ARHGAP22: variants seen among roughly 807,000 people sequenced by gnomAD.
ARHGAP22 encodes the protein Rho GTPase activating protein 22.
A neutral mutation model predicts 59.1 loss-of-function variants in ARHGAP22; 48 were observed. The observed-to-expected ratio is 0.81, with a 90% CI of 0.64 to 1.03. ARHGAP22 has a LOEUF of 1.03. Among genes scored for constraint, ARHGAP22 ranks in the 50% least tolerant of loss-of-function variants. The pLI is 0.00. For synonymous variants in ARHGAP22, 445 were observed against 416.4 expected, an observed-to-expected ratio of 1.07 and a Z score of -0.84; for missense variants, 1,015 against 958.7, an observed-to-expected ratio of 1.06 and a Z score of -0.78.
chr10:48,515,202 A>T (rs566691201), intron 3 of ARHGAP22, among the ~76,000 whole-genome samples: 194 of 152,346 alleles, frequency 1.3e-3, no homozygotes, highest in African/African-American at 4.5e-3. Context: ...GACACATTAC[A>T]TTAAAAAACA....
upstream of ARHGAP22, chr10:48,655,368 T>C (rs921233046): frequency 2.7e-5 from 4 of 150,828 alleles, no homozygotes; most frequent in Non-Finnish European, 5.9e-5. Flanking sequence ...GGGGACAAGG[T>C]CCTACAGCGT....
At chr10:48,563,575 A>G (rs1016179846) in intron 2 of ARHGAP22, among the ~76,000 whole-genome samples, 6 of 152,222 alleles carry the variant, frequency 3.9e-5, no homozygotes, top group Non-Finnish European at 7.3e-5. Flanking sequence ...ATCGTAACAT[A>G]ACATATTCAC....
intron 3 of ARHGAP22, among the ~76,000 whole-genome samples, chr10:48,521,262 C>T (rs879527996): frequency 1.4e-4 from 21 of 152,142 alleles, no homozygotes; most frequent in South Asian, 2.1e-4. Context: ...GAAAAAGGCA[C>T]GCAACAATCC....
intron 4 of ARHGAP22, among the ~76,000 whole-genome samples, chr10:48,460,266 G>A (rs1358827572): frequency 6.6e-6 from 1 of 152,224 alleles, no homozygotes; most frequent in South Asian, 2.1e-4. Flanking sequence ...CCCATCAACA[G>A]CAGATCTCCT....
intron 4 of ARHGAP22, among the ~76,000 whole-genome samples, chr10:48,469,347 A>G (rs891750459): frequency 6.6e-6 from 1 of 152,240 alleles, no homozygotes; most frequent in Non-Finnish European, 1.5e-5. Flanking sequence ...GTGCAGAGAC[A>G]GTCATGAGAC....
intron 2 of ARHGAP22, among the ~76,000 whole-genome samples, chr10:48,562,092 G>T (rs1457038624): frequency 1.3e-5 from 2 of 151,950 alleles, no homozygotes; most frequent in Non-Finnish European, 2.9e-5. Context: ...GGGGTGTGTT[G>T]GCACGTGCCT....
chr10:48,522,758 T>C (rs1382405562), intron 3 of ARHGAP22, among the ~76,000 whole-genome samples: 1 of 152,172 alleles, frequency 6.6e-6, no homozygotes, highest in Admixed American at 6.5e-5. Context: ...TCTTTTTCAT[T>C]CTTTCTACAA....
chr10:48,474,315 C>A (rs1351420224), intron 4 of ARHGAP22, among the ~76,000 whole-genome samples: 1 of 152,158 alleles, frequency 6.6e-6, no homozygotes, highest in Non-Finnish European at 1.5e-5. Context: ...TTCAACCTTG[C>A]TGAATTTTTA....
intron 4 of ARHGAP22, among the ~76,000 whole-genome samples, chr10:48,478,863 G>T (rs1234748207): frequency 6.6e-6 from 1 of 152,190 alleles, no homozygotes; most frequent in Non-Finnish European, 1.5e-5. Context: ...CTCCTGGCCT[G>T]CTGTGTCTAC....
chr10:48,557,355 T>TATTGAC (rs970724876), intron 2 of ARHGAP22, among the ~76,000 whole-genome samples: 9 of 152,168 alleles, frequency 5.9e-5, no homozygotes, highest in African/African-American at 2.2e-4. Context: ...AGAGTAACAA[T>TATTGAC]ATTGACATTG....
At chr10:48,572,302 T>C (rs577998792) in intron 2 of ARHGAP22, among the ~76,000 whole-genome samples, 2 of 152,212 alleles carry the variant, frequency 1.3e-5, no homozygotes, top group Non-Finnish European at 2.9e-5. Flanking sequence ...AAGAAACAAG[T>C]GCTAAAACAA....
At chr10:48,528,806 C>CTT (rs2054564637) in intron 3 of ARHGAP22, among the ~76,000 whole-genome samples, 2 of 152,166 alleles carry the variant, frequency 1.3e-5, no homozygotes, top group South Asian at 2.1e-4. Flanking sequence ...AGATCTCCTC[C>CTT]TTTTTCTCTC....
chr10:48,504,044 G>A (rs993178206), intron 3 of ARHGAP22, among the ~76,000 whole-genome samples: 4 of 152,312 alleles, frequency 2.6e-5, no homozygotes, highest in South Asian at 2.1e-4. Flanking sequence ...GGAGAAGTGC[G>A]GGATGGGGAA....
chr10:48,499,894 T>G (rs1470121190), intron 3 of ARHGAP22, among the ~76,000 whole-genome samples: 1 of 152,226 alleles, frequency 6.6e-6, no homozygotes, highest in African/African-American at 2.4e-5. Context: ...ATGCCAATTC[T>G]CTCTAATTTG....
intron 3 of ARHGAP22, among the ~76,000 whole-genome samples, chr10:48,550,024 C>T (rs1475906655): frequency 3.3e-5 from 5 of 152,208 alleles, no homozygotes; most frequent in African/African-American, 1.2e-4. Context: ...AATTCAGTTA[C>T]CTATGTGCTG....
intron 3 of ARHGAP22, among the ~76,000 whole-genome samples, chr10:48,545,670 C>T (rs186872635): frequency 1.2e-4 from 19 of 152,256 alleles, no homozygotes; most frequent in African/African-American, 4.1e-4. Flanking sequence ...GTCTCCTCTG[C>T]GGAGTAATCT....
intron 1 of ARHGAP22, among the ~76,000 whole-genome samples, chr10:48,593,372 C>T (rs554579301): frequency 6.6e-6 from 1 of 152,290 alleles, no homozygotes; most frequent in East Asian, 1.9e-4. Context: ...ATTCTTAGAC[C>T]CCCAGTGGAT....
chr10:48,634,554 G>A (rs1054054378), intron 1 of ARHGAP22, among the ~76,000 whole-genome samples: 6 of 152,194 alleles, frequency 3.9e-5, no homozygotes, highest in Non-Finnish European at 7.4e-5. Flanking sequence ...GGGGGTGGGT[G>A]AGCCTGGGCT....
intron 2 of ARHGAP22, among the ~76,000 whole-genome samples, chr10:48,581,702 A>G (rs1274436545): frequency 2.0e-5 from 3 of 152,260 alleles, no homozygotes; most frequent in African/African-American, 2.4e-5. Context: ...ACTTTTAAAT[A>G]TATAGGTAAG....
Sources: gnomAD v4.1 joint callset for allele counts (sites outside exome capture counted in the v4.1 genomes callset) on GRCh38, gnomAD v4.1.1 for gene constraint, MANE v1.5 for transcripts, NCBI Gene and HGNC (gene_info 2026-07-23, HGNC 2026-07-21) for gene names.